NUP160: variants seen among roughly 807,000 people sequenced by gnomAD.
The protein encoded by NUP160 is nuclear pore complex protein Nup160.
NUP160 carries 94 observed loss-of-function variants against 196.9 expected under a neutral mutation model. The ratio of observed to expected loss-of-function variants is 0.48; its 90% CI spans 0.40 to 0.57. The LOEUF (loss-of-function observed/expected upper bound fraction) is 0.57, where lower values mean the gene tolerates loss of function less well. NUP160 is among the 20% of genes least tolerant of loss of function. NUP160 has a pLI of 0.00. For missense variants in NUP160, 1,638 were observed against 1,748.3 expected (o/e 0.94, Z 1.13); for synonymous variants, 605 against 619.7 (o/e 0.98, Z 0.35).
rs188008764 is a variant in NUP160, at chr11:47,795,054, C to T, written c.3290-2108G>A. On this transcript the variant is annotated intron_variant, in intron 27 of 35. Transcript: ENST00000378460. The stretch of plus-strand genomic sequence containing the variant: ...AGTGGAGGTTGCTGTGAGCCGAGAT[C>T]GAGACACTGCACTCCAGGCTGATCG... 2.6e-4 allele frequency among the ~76,000 whole-genome samples: 40 copies of T among 151,964 alleles called. 2 individuals carry two copies. In the South Asian group the frequency reaches 4.4e-3, roughly 17 times the overall value.
chr11:47,803,142 A>AAATAATAATAATAATAATAATAATAAT (rs55654627), intron 22 of NUP160, among the ~76,000 whole-genome samples: 1 of 139,058 alleles, frequency 7.2e-6, no homozygotes, highest in Non-Finnish European at 1.5e-5. Context: ...TGATTTTACA[A>AAATAATAATAATAATAATAATAATAAT]AATAATAATA....
Position 47,840,602 on chromosome 11 carries a change from G to C in NUP160, c.315-14C>G, listed in dbSNP as rs550550229. 3.9e-6 allele frequency: 6 copies of C among 1,554,730 alleles called. No homozygotes were observed. Among genetic ancestry groups the C allele is most frequent in the South Asian group, 1.2e-5 (1 of 84,342 alleles). On this transcript the variant is annotated splice_polypyrimidine_tract_variant and intron_variant, in intron 2 of 35. Coordinates refer to ENST00000378460, the Ensembl canonical transcript of NUP160. ...CCAGAGGTCTTCCTGTTGAAAAAGA[G>C]ACATTTGTTTGAAAAGTTTATGCTT...
intron 13 of NUP160, among the ~76,000 whole-genome samples, chr11:47,814,776 T>C (rs1479409416): frequency 1.3e-5 from 2 of 152,272 alleles, no homozygotes; most frequent in African/African-American, 4.8e-5. Context: ...TAAAGGAGCA[T>C]GATATCTACA....
chr11:47,820,714 G>C (rs1420219021), intron 9 of NUP160, among the ~76,000 whole-genome samples: 1 of 152,038 alleles, frequency 6.6e-6, no homozygotes, highest in African/African-American at 2.4e-5. Flanking sequence ...ACCACGCCCG[G>C]CTAATTTTTG....
intron 7 of NUP160, among the ~76,000 whole-genome samples, chr11:47,824,503 G>A (rs971089822): frequency 6.6e-5 from 10 of 151,850 alleles, no homozygotes; most frequent in Non-Finnish European, 1.5e-4. Context: ...CCAGCTATTC[G>A]AGAGGCTGAG....
At chr11:47,836,991 A>G in exon 6 of NUP160, 1 of 1,610,264 alleles carries the variant, frequency 6.2e-7, no homozygotes. Context: ...TCTGAAGGCG[A>G]CTGGTCACCC....
chr11:47,839,895 T>A (rs1380372926), exon 4 of NUP160: 3 of 1,613,998 alleles, frequency 1.9e-6, no homozygotes, highest in Admixed American at 3.3e-5. Flanking sequence ...CAGAAGCACA[T>A]GGTAAGGCAA....
At chr11:47,792,401 C>A in intron 28 of NUP160, 1 of 218,814 alleles carries the variant, frequency 4.6e-6, no homozygotes, top group Non-Finnish European at 8.9e-6. Flanking sequence ...TTACTGAGCA[C>A]AGTTTGTGGG....
In NUP160 at chr11:47,802,085, G is replaced by A. The variant is rs78844451; in HGVS notation, c.2776-155C>T. Among the ~76,000 whole-genome samples the A allele has an allele frequency of 3.6e-3, 546 of 152,312 alleles. 3 individuals are homozygous for A. Among genetic ancestry groups the A allele is most frequent in the African/African-American group, 0.013 (531 of 41,570 alleles). On this transcript the variant is annotated intron_variant, in intron 22 of 35. Coordinates refer to ENST00000378460, the Ensembl canonical transcript of NUP160. ...AGTTTCTGACACATATGAATTCTATGTGATGCATTCATATTTTTAAAAATG... is the reference window on the plus strand; with the variant it reads ...AGTTTCTGACACATATGAATTCTATATGATGCATTCATATTTTTAAAAATG...
intron 33 of NUP160, 35 bp downstream of exon 33, chr11:47,784,887 G>A (rs1249610611): frequency 6.9e-7 from 1 of 1,457,396 alleles, no homozygotes; most frequent in Non-Finnish European, 9.2e-7. Context: ...GATAAAGAGT[G>A]GGTTCTTACT....
intron 22 of NUP160, 40 bp downstream of exon 22, chr11:47,803,398 A>C: frequency 8.0e-7 from 1 of 1,245,116 alleles, no homozygotes; most frequent in Admixed American, 1.7e-5. Flanking sequence ...TCCTTGCGTT[A>C]AAGTTTATAA....
intron 4 of NUP160, 66 bp downstream of exon 4, chr11:47,839,777 G>A: frequency 1.5e-6 from 2 of 1,326,720 alleles, no homozygotes; most frequent in Non-Finnish European, 2.2e-6. Flanking sequence ...GGATGACGAG[G>A]TTGAACTGTT....
chr11:47,817,208 T>G (rs986269740), intron 11 of NUP160, among the ~76,000 whole-genome samples: 2 of 151,818 alleles, frequency 1.3e-5, no homozygotes, highest in African/African-American at 2.4e-5. Context: ...GCTCTCAAAC[T>G]CCTGGGCTCA....
At chr11:47,830,852 C>T (rs1852059433) in intron 7 of NUP160, among the ~76,000 whole-genome samples, 1 of 151,564 alleles carries the variant, frequency 6.6e-6, no homozygotes, top group African/African-American at 2.4e-5. Flanking sequence ...TACCCTCAAA[C>T]CTAAAACAAA....
intron 2 of NUP160, among the ~76,000 whole-genome samples, chr11:47,842,997 C>A (rs1444901471): frequency 1.3e-5 from 2 of 151,792 alleles, no homozygotes; most frequent in Non-Finnish European, 2.9e-5. Flanking sequence ...TAAAAAAAAA[C>A]AAACAAACAA....
chr11:47,831,340 TAA>T (rs1273756449), intron 7 of NUP160, among the ~76,000 whole-genome samples: 1 of 152,016 alleles, frequency 6.6e-6, no homozygotes, highest in East Asian at 1.9e-4. Flanking sequence ...TATCTAGAAT[TAA>T]AAAGTCAGAT....
At position 47,821,831 on chromosome 11, in the gene NUP160, A is replaced by G. The variant is rs1295026689; in HGVS notation, c.1180-10T>C. 2 of 1,601,352 alleles carry G rather than the reference A, an allele frequency of 1.2e-6. No individual in the cohort carries two copies. On this transcript the variant is annotated splice_polypyrimidine_tract_variant and intron_variant, in intron 8 of 35. Coordinates refer to ENST00000378460, the Ensembl canonical transcript of NUP160. ...AGTCAATCAGTGTCTCCTAGGAGGA[A>G]ATGTGGGAAAAAAAGGGATAAAATA... is the stretch of plus-strand genomic sequence containing the variant.
chr11:47,848,447 C>G (rs575389910), exon 1 of NUP160: 13 of 1,496,110 alleles, frequency 8.7e-6, no homozygotes, highest in Non-Finnish European at 1.2e-5. Context: ...CGGCTCCGGC[C>G]CTTCGTTGCG....
At chr11:47,806,309 G>A in exon 20 of NUP160, 2 of 1,608,328 alleles carry the variant, frequency 1.2e-6, no homozygotes, top group Non-Finnish European at 1.7e-6. Flanking sequence ...CTGAGGACTA[G>A]ATACTTAAAA....
Sources: allele counts gnomAD v4.1 joint callset (sites outside exome capture counted in the v4.1 genomes callset), GRCh38; gene constraint gnomAD v4.1.1; transcripts MANE v1.5; gene names NCBI Gene and HGNC (gene_info 2026-07-23, HGNC 2026-07-21).